The following MAP2 variants were observed in gnomAD, a reference collection of about 807,000 sequenced individuals.
MAP2 encodes microtubule associated protein 2, also known as microtubule-associated protein 2.
MAP2 carries 14 observed loss-of-function variants against 137.6 expected under a neutral mutation model. The observed-to-expected ratio is 0.10, with a 90% CI of 0.07 to 0.16. The LOEUF (loss-of-function observed/expected upper bound fraction) is 0.16, where lower values mean the gene tolerates loss of function less well. MAP2 is among the 10% of genes least tolerant of loss of function. The pLI, the probability that MAP2 is intolerant of heterozygous loss-of-function variation, is 1.00. For synonymous variants in MAP2, 786 were observed against 782.3 expected (o/e 1.00, Z -0.08); for missense variants, 2,088 against 2,191.5 (o/e 0.95, Z 0.94).
intron 1 of MAP2, among the ~76,000 whole-genome samples, chr2:209,430,077 A>G (rs1310378896): frequency 2.6e-5 from 4 of 151,528 alleles, no homozygotes; most frequent in Admixed American, 2.0e-4. Context: ...TGTTGTTTAT[A>G]TGATTCACTA....
chr2:209,444,352 A>T (rs1229938002), intron 1 of MAP2, among the ~76,000 whole-genome samples: 7 of 151,704 alleles, frequency 4.6e-5, no homozygotes, highest in Admixed American at 4.6e-4. Context: ...GAAATTAATA[A>T]TTCATGCCTA....
In MAP2 at chr2:209,730,375, C is replaced by T. The variant is rs750689885; in HGVS notation, c.5462C>T (p.Ala1821Val). The change falls in exon 16 of 16, where the codon GCA becomes GTA. Residue 1821 changes from alanine to valine, a missense_variant. Around this residue, in one of 6 missense-constraint regions of MAP2, gnomAD observed 112 missense variants for 201.0 expected, o/e 0.56. Coordinates refer to ENST00000682079, the MANE Select transcript of MAP2 (RefSeq NM_001375505.1). ...LATLAEDVTAALAKQGL is the reference protein window; with the variant it reads ...LATLAEDVTAVLAKQGL The stretch of plus-strand genomic sequence containing the variant: ...ACTTTGGCTGAGGATGTCACTGCTG[C>T]ACTCGCTAAGCAGGGCTTGTGAATA... 1 of 1,613,712 alleles carries T rather than the reference C, an allele frequency of 6.2e-7. No individual in the cohort carries two copies. Among genetic ancestry groups the T allele is most frequent in the Non-Finnish European group, 8.5e-7 (1 of 1,179,682 alleles).
chr2:209,503,004 T>TC (rs1316309092), intron 1 of MAP2, among the ~76,000 whole-genome samples: 42 of 99,684 alleles, frequency 4.2e-4, no homozygotes, highest in African/African-American at 1.1e-3. Flanking sequence ...TTTTTCTTTT[T>TC]TTTTTTTTTT....
At chr2:209,668,483 T>G (rs1559517756) in intron 5 of MAP2, among the ~76,000 whole-genome samples, 1 of 152,092 alleles carries the variant, frequency 6.6e-6, no homozygotes, top group Non-Finnish European at 1.5e-5. Flanking sequence ...AAAATGTATT[T>G]AATAATATTT....
chr2:209,628,176 C>A (rs2092598882), intron 4 of MAP2, among the ~76,000 whole-genome samples: 2 of 151,992 alleles, frequency 1.3e-5, no homozygotes, highest in South Asian at 2.1e-4. Context: ...ACCAGCCTGA[C>A]CAACATGGTG....
At chr2:209,495,849 A>G (rs527425763) in intron 1 of MAP2, among the ~76,000 whole-genome samples, 45 of 152,230 alleles carry the variant, frequency 3.0e-4, no homozygotes, top group Non-Finnish European at 4.7e-4. Context: ...TTCATAAAAC[A>G]AATTCCATGA....
chr2:209,608,975 T>C (rs2085799113), intron 3 of MAP2, among the ~76,000 whole-genome samples: 2 of 152,098 alleles, frequency 1.3e-5, no homozygotes, highest in Admixed American at 1.3e-4. Flanking sequence ...AAATTGAATG[T>C]AATATATTCT....
chr2:209,600,441 G>T (rs1438395597), intron 3 of MAP2, among the ~76,000 whole-genome samples: 3 of 152,162 alleles, frequency 2.0e-5, no homozygotes, highest in Non-Finnish European at 4.4e-5. Context: ...CCCACCAGCT[G>T]CTGTCAGTCC....
intron 3 of MAP2, among the ~76,000 whole-genome samples, chr2:209,605,607 C>G (rs1352841862): frequency 1.3e-5 from 2 of 152,120 alleles, no homozygotes; most frequent in Non-Finnish European, 2.9e-5. Flanking sequence ...ATCCTTTATG[C>G]CACCTTTGGC....
intron 4 of MAP2, among the ~76,000 whole-genome samples, chr2:209,640,484 T>C (rs1287990538): frequency 6.6e-6 from 1 of 151,816 alleles, no homozygotes; most frequent in Non-Finnish European, 1.5e-5. Flanking sequence ...CATAACAGGA[T>C]GGTCATTCAG....
chr2:209,551,432 A>G (rs1301486288), intron 2 of MAP2, among the ~76,000 whole-genome samples: 2 of 152,288 alleles, frequency 1.3e-5, no homozygotes, highest in East Asian at 1.9e-4. Context: ...AGCTCATTGC[A>G]TTCACTTGAT....
At chr2:209,594,596 A>T (rs991877817) in intron 3 of MAP2, among the ~76,000 whole-genome samples, 3 of 152,138 alleles carry the variant, frequency 2.0e-5, no homozygotes, top group Non-Finnish European at 2.9e-5. Context: ...GTTACACTGT[A>T]TTTTTGACAA....
chr2:209,447,031 G>A (rs935876552), intron 1 of MAP2, among the ~76,000 whole-genome samples: 1 of 151,880 alleles, frequency 6.6e-6, no homozygotes, highest in Non-Finnish European at 1.5e-5. Context: ...GCTGCAGCTT[G>A]CCACAACCCA....
intron 1 of MAP2, among the ~76,000 whole-genome samples, chr2:209,453,030 T>C (rs1700666551): frequency 6.6e-6 from 1 of 152,182 alleles, no homozygotes; most frequent in South Asian, 2.1e-4. Flanking sequence ...ATCCTGCAAT[T>C]TTATTTCTTT....
chr2:209,464,418 A>G (rs17309028), intron 1 of MAP2, among the ~76,000 whole-genome samples: 3,334 of 152,236 alleles, frequency 0.022, 44 homozygotes, highest in Non-Finnish European at 0.033. Context: ...ATTTATTCAA[A>G]TTATACTACT....
intron 7 of MAP2, among the ~76,000 whole-genome samples, chr2:209,687,400 C>T (rs544614447): frequency 1.3e-5 from 2 of 151,910 alleles, no homozygotes; most frequent in Non-Finnish European, 2.9e-5. Context: ...TCTATTCCAA[C>T]GTTCCTTGGT....
intron 5 of MAP2, among the ~76,000 whole-genome samples, chr2:209,661,192 G>A (rs2043438680): frequency 6.6e-6 from 1 of 151,910 alleles, no homozygotes; most frequent in African/African-American, 2.4e-5. Context: ...TTCTCACCTC[G>A]CCCTTTCTCC....
rs545240171 is a variant in MAP2 at position 209,551,964 on chromosome 2, C to T, written c.-171-28072C>T. 2.2e-3 allele frequency among the ~76,000 whole-genome samples: 342 copies of T among 152,292 alleles called. 3 individuals are homozygous for T. The South Asian group carries it at 0.035, about 16-fold the overall frequency. The stretch of plus-strand genomic sequence containing the variant: ...GAAGACTCATCCCAAAGCCATGCCC[C>T]ACTCAATATACCATACTTACCATAC... On this transcript the variant is annotated intron_variant, in intron 2 of 15. Transcript: ENST00000682079.
chr2:209,451,228 C>T (rs558808047), intron 1 of MAP2, among the ~76,000 whole-genome samples: 63 of 152,320 alleles, frequency 4.1e-4, no homozygotes, highest in African/African-American at 1.4e-3. Flanking sequence ...ATTTGCTCAT[C>T]ACACTCATCC....
Sources: gnomAD v4.1 joint callset for allele counts (sites outside exome capture counted in the v4.1 genomes callset) on GRCh38, gnomAD v4.1.1 for gene constraint, gnomAD v4.1.1 regional missense constraint, MANE v1.5 for transcripts, NCBI Gene and HGNC (gene_info 2026-07-23, HGNC 2026-07-21) for gene names.